Variants in CMIP observed in about 807,000 individuals in gnomAD.
The protein encoded by CMIP is C-Maf-inducing protein.
CMIP carries 13 observed loss-of-function variants against 97.3 expected under a neutral mutation model. The ratio of observed to expected loss-of-function variants is 0.13; its 90% CI spans 0.09 to 0.21. The LOEUF is 0.21. Ranked by LOEUF, CMIP falls within the 10% of genes least tolerant of loss-of-function variation. CMIP has a pLI of 1.00. For missense variants in CMIP, 847 were observed against 1,024.9 expected, an observed-to-expected ratio of 0.83 and a Z score of 2.37; for synonymous variants, 538 against 436.3, an observed-to-expected ratio of 1.23 and a Z score of -2.91.
intron 1 of CMIP, among the ~76,000 whole-genome samples, chr16:81,587,268 C>G (rs1006800349): frequency 6.6e-6 from 1 of 152,220 alleles, no homozygotes; most frequent in Admixed American, 6.5e-5. Flanking sequence ...ATGGGGCCGC[C>G]CATTCCTGGG....
chr16:81,599,355 C>T (rs1273704446), intron 1 of CMIP, among the ~76,000 whole-genome samples: 2 of 152,206 alleles, frequency 1.3e-5, no homozygotes, highest in Non-Finnish European at 2.9e-5. Flanking sequence ...TTACCTGCCA[C>T]TTTGCGTTTG....
chr16:81,569,322 G>T (rs1310883902), intron 1 of CMIP, among the ~76,000 whole-genome samples: 1 of 152,216 alleles, frequency 6.6e-6, no homozygotes, highest in Non-Finnish European at 1.5e-5. Context: ...GCAGAATGAT[G>T]AAATGACTTC....
intron 1 of CMIP, among the ~76,000 whole-genome samples, chr16:81,470,071 C>G (rs973720052): frequency 1.6e-4 from 25 of 152,226 alleles, no homozygotes; most frequent in African/African-American, 5.3e-4. Context: ...GTGCAGAAAT[C>G]ATGAGCAGGA....
chr16:81,497,017 G>T (rs994471054), intron 1 of CMIP, among the ~76,000 whole-genome samples: 8 of 152,234 alleles, frequency 5.3e-5, no homozygotes, highest in African/African-American at 1.7e-4. Flanking sequence ...CTGATGCTGG[G>T]CCTCGTAAGG....
At chr16:81,707,667 A>C (rs972542101) in intron 20 of CMIP, among the ~76,000 whole-genome samples, 2 of 152,206 alleles carry the variant, frequency 1.3e-5, no homozygotes, top group Admixed American at 6.5e-5. Context: ...CGGGAAAGAA[A>C]AAGGATCGGA....
rs952911344 is a variant in CMIP at position 81,571,993 on chromosome 16, C to T, written c.301-35574C>T. Among the ~76,000 whole-genome samples the T allele has an allele frequency of 3.3e-5, 5 of 152,316 alleles. No homozygotes were observed. In the South Asian group the frequency reaches 6.2e-4, roughly 19 times the overall value. ...GAGGAAGGGTGTCTCGGAAGAGTTGCATCATGAGACCCTTGGTGGAGTCGC... is the reference window on the plus strand; with the variant it reads ...GAGGAAGGGTGTCTCGGAAGAGTTGTATCATGAGACCCTTGGTGGAGTCGC... On this transcript the variant is annotated intron_variant, in intron 1 of 20. Coordinates refer to ENST00000537098, the MANE Select transcript of CMIP (RefSeq NM_198390.3).
chr16:81,601,818 CAGTT>C (rs1021724497), intron 1 of CMIP, among the ~76,000 whole-genome samples: 64 of 152,204 alleles, frequency 4.2e-4, no homozygotes, highest in African/African-American at 1.2e-3. Context: ...TGCGGGCACT[CAGTT>C]AGCGAGCGGT....
At chr16:81,526,687 G>T (rs1475160298) in intron 1 of CMIP, among the ~76,000 whole-genome samples, 1 of 152,204 alleles carries the variant, frequency 6.6e-6, no homozygotes, top group Non-Finnish European at 1.5e-5. Context: ...GGCTTCACCA[G>T]ACTACCAAGG....
At chr16:81,650,161 C>T (rs1336752890) in intron 3 of CMIP, among the ~76,000 whole-genome samples, 1 of 152,176 alleles carries the variant, frequency 6.6e-6, no homozygotes, top group Non-Finnish European at 1.5e-5. Context: ...TGTACACTCA[C>T]CCCCGACAAC....
chr16:81,547,092 C>G (rs1179265417), intron 1 of CMIP, among the ~76,000 whole-genome samples: 1 of 152,130 alleles, frequency 6.6e-6, no homozygotes. Flanking sequence ...TGTGGGATGG[C>G]CGAGCCATGC....
chr16:81,512,563 A>G (rs2089834490), intron 1 of CMIP, among the ~76,000 whole-genome samples: 1 of 152,206 alleles, frequency 6.6e-6, no homozygotes, highest in African/African-American at 2.4e-5. Flanking sequence ...CAGGAAAGGC[A>G]GCAGAAATGC....
chr16:81,700,416 C>T (rs76425204), intron 15 of CMIP: 2 of 154,858 alleles, frequency 1.3e-5, no homozygotes, highest in Non-Finnish European at 2.9e-5. Flanking sequence ...GCAACTGTCC[C>T]AAAGTCCCCA....
chr16:81,670,061 C>T (rs2092667106), intron 7 of CMIP, 81 bp from the exon 8 acceptor site: 3 of 1,376,040 alleles, frequency 2.2e-6, no homozygotes. Flanking sequence ...CGGTCCCGCC[C>T]TTCTTTCTGG....
chr16:81,688,952 C>T (rs1376559050), intron 10 of CMIP, among the ~76,000 whole-genome samples: 1 of 152,200 alleles, frequency 6.6e-6, no homozygotes, highest in Non-Finnish European at 1.5e-5. Flanking sequence ...ATGATGGTTT[C>T]CAGCTTCATC....
At chr16:81,626,350 G>A (rs1483673933) in intron 3 of CMIP, among the ~76,000 whole-genome samples, 2 of 151,932 alleles carry the variant, frequency 1.3e-5, no homozygotes, top group Non-Finnish European at 2.9e-5. Flanking sequence ...TGTGGTGTGT[G>A]AGGTGACTGT....
chr16:81,599,999 TG>T (rs762477246), intron 1 of CMIP, among the ~76,000 whole-genome samples: 72 of 151,928 alleles, frequency 4.7e-4, no homozygotes, highest in Non-Finnish European at 5.0e-4. Context: ...AAAAGATATA[TG>T]GCAGCAGTGG....
chr16:81,600,669 G>A (rs894436395), intron 1 of CMIP, among the ~76,000 whole-genome samples: 1 of 152,218 alleles, frequency 6.6e-6, no homozygotes, highest in Non-Finnish European at 1.5e-5. Context: ...AGATGATGGT[G>A]ACACAGCATC....
intron 1 of CMIP, among the ~76,000 whole-genome samples, chr16:81,536,563 G>A (rs186396539): frequency 7.2e-5 from 11 of 152,244 alleles, no homozygotes; most frequent in African/African-American, 2.2e-4. Flanking sequence ...AGCACAACCC[G>A]TCTCCGGAAC....
intron 3 of CMIP, among the ~76,000 whole-genome samples, chr16:81,644,678 T>C (rs1300585762): frequency 6.6e-6 from 1 of 152,226 alleles, no homozygotes. Context: ...TCCTACACAC[T>C]TAGCATCTGC....
Sources: gnomAD v4.1 joint callset for allele counts (sites outside exome capture counted in the v4.1 genomes callset) on GRCh38, gnomAD v4.1.1 for gene constraint, MANE v1.5 for transcripts, NCBI Gene and HGNC (gene_info 2026-07-23, HGNC 2026-07-21) for gene names.